Variants in FBXO40 observed in about 807,000 individuals in gnomAD.
FBXO40 encodes F-box only protein 40.
In FBXO40, 50 loss-of-function variants were observed where a neutral mutation model predicts 49.9. The ratio of observed to expected loss-of-function variants is 1.00; its 90% CI spans 0.80 to 1.27. The LOEUF (loss-of-function observed/expected upper bound fraction) is 1.27, where lower values mean the gene tolerates loss of function less well. Among genes scored for constraint, FBXO40 ranks in the 50% most tolerant of loss-of-function variants. The probability of loss-of-function intolerance (pLI) is 0.00; values close to 1 mark genes in which losing one functional copy is unlikely to be tolerated. For synonymous variants in FBXO40, 340 were observed against 320.2 expected, an observed-to-expected ratio of 1.06 and a Z score of -0.66; for missense variants, 895 against 870.1, an observed-to-expected ratio of 1.03 and a Z score of -0.36.
chr3:121,604,033 C>T (rs1297655676), intron 1 of FBXO40, among the ~76,000 whole-genome samples: 6 of 152,180 alleles, frequency 3.9e-5, no homozygotes, highest in Non-Finnish European at 7.3e-5. Context: ...CATGTTTTAT[C>T]AAGCCAGAGG....
At chr3:121,617,617 T>A (rs28827296) in intron 1 of FBXO40, among the ~76,000 whole-genome samples, 31,455 of 151,680 alleles carry the variant, frequency 0.21, 3,755 homozygotes, top group Admixed American at 0.35. Flanking sequence ...CAAAATTTTT[T>A]AAAAAATAAA....
chr3:121,611,936 T>C (rs1416979546), intron 1 of FBXO40, among the ~76,000 whole-genome samples: 1 of 152,220 alleles, frequency 6.6e-6, no homozygotes, highest in Non-Finnish European at 1.5e-5. Flanking sequence ...ACACATGTTT[T>C]TGTGAGCTCC....
At chr3:121,606,784 G>C (rs1198363515) in intron 1 of FBXO40, among the ~76,000 whole-genome samples, 2 of 152,170 alleles carry the variant, frequency 1.3e-5, no homozygotes, top group African/African-American at 4.8e-5. Flanking sequence ...TTTAGCCGGA[G>C]TCCTCTTTAG....
intron 1 of FBXO40, among the ~76,000 whole-genome samples, chr3:121,616,875 C>T (rs115891136): frequency 0.014 from 2,181 of 152,210 alleles, 37 homozygotes; most frequent in African/African-American, 0.049. Flanking sequence ...TTAAAAGGAT[C>T]CTTGTTCAAA....
At position 121,628,143 on chromosome 3, in the gene FBXO40, C is replaced by G. The variant is rs929795893; in HGVS notation, c.*1233C>G. On this transcript the variant is annotated 3_prime_UTR_variant, in exon 4 of 4. Coordinates refer to ENST00000338040, the MANE Select transcript of FBXO40 (RefSeq NM_016298.4). ...AAAGCAGGGCTTCTTAGCCTTGGAA[C>G]TATTGACATTTTTAAATGGATAATT... is the stretch of plus-strand genomic sequence containing the variant. 17 of 387,748 alleles carry G rather than the reference C, an allele frequency of 4.4e-5. No individual in the cohort carries two copies. The Admixed American group carries it at 4.5e-4, about 10-fold the overall frequency. 24.0% of individuals were successfully genotyped at this position (387,748 alleles called of 1,614,324 possible). A position where few individuals can be genotyped will look rare whatever the true frequency, so the allele number is the denominator to read the frequency against.
chr3:121,618,399 T>TG (rs2049010449), intron 1 of FBXO40, among the ~76,000 whole-genome samples: 1 of 148,702 alleles, frequency 6.7e-6, no homozygotes, highest in African/African-American at 2.5e-5. Context: ...TTTTTTTTTT[T>TG]TTTTTGAGAT....
chr3:121,607,126 A>G (rs951716501), intron 1 of FBXO40, among the ~76,000 whole-genome samples: 2 of 151,860 alleles, frequency 1.3e-5, no homozygotes, highest in Non-Finnish European at 2.9e-5. Flanking sequence ...TTAGCTGGGC[A>G]TAGTGGTGCA....
chr3:121,619,792 G>A (rs550469767), intron 1 of FBXO40, among the ~76,000 whole-genome samples: 2 of 152,296 alleles, frequency 1.3e-5, no homozygotes, highest in Non-Finnish European at 1.5e-5. Flanking sequence ...TAGCTCCAGG[G>A]TGGAAACCTG....
intron 1 of FBXO40, among the ~76,000 whole-genome samples, chr3:121,617,284 C>G (rs1560131067): frequency 6.6e-6 from 1 of 152,110 alleles, no homozygotes; most frequent in Non-Finnish European, 1.5e-5. Context: ...TAAATATGCA[C>G]AAATACTATG....
intron 1 of FBXO40, among the ~76,000 whole-genome samples, chr3:121,606,548 C>T (rs2048933040): frequency 6.6e-6 from 1 of 152,068 alleles, no homozygotes; most frequent in Non-Finnish European, 1.5e-5. Context: ...GAGGGAAAGC[C>T]TTTTATATCC....
intron 1 of FBXO40, among the ~76,000 whole-genome samples, chr3:121,603,023 C>A (rs563635580): frequency 6.6e-6 from 1 of 152,216 alleles, no homozygotes; most frequent in Non-Finnish European, 1.5e-5. Context: ...AAGATGCCAG[C>A]AGATTCTGTG....
Position 121,622,860 on chromosome 3 carries a change from C to T in FBXO40, c.1431C>T (p.Phe477=). 1 of 1,614,220 alleles carries T rather than the reference C, an allele frequency of 6.2e-7. No individual in the cohort carries two copies. Among genetic ancestry groups the T allele is most frequent in the Non-Finnish European group, 8.5e-7 (1 of 1,180,046 alleles). The change falls in exon 3 of 4, where the codon TTC becomes TTT. Residue 477 remains phenylalanine (F), a synonymous_variant. Coordinates refer to ENST00000338040, the MANE Select transcript of FBXO40 (RefSeq NM_016298.4). ...RHNKSSSAFT[F]TCNKFFRRDE... ...ACAAAAGCAGCTCTGCCTTCACTTTCACTTGCAACAAATTCTTCAGGAGGG... is the reference window on the plus strand; with the variant it reads ...ACAAAAGCAGCTCTGCCTTCACTTTTACTTGCAACAAATTCTTCAGGAGGG...
chr3:121,598,370 T>C (rs140349592), intron 1 of FBXO40, among the ~76,000 whole-genome samples: 1 of 152,342 alleles, frequency 6.6e-6, no homozygotes, highest in East Asian at 1.9e-4. Context: ...TAACCTAGTT[T>C]TGTAAATTGT....
intron 1 of FBXO40, among the ~76,000 whole-genome samples, chr3:121,594,338 C>T (rs1462958815): frequency 6.6e-6 from 1 of 151,840 alleles, no homozygotes; most frequent in Non-Finnish European, 1.5e-5. Flanking sequence ...GTAGCTGGGA[C>T]TACAGGCCTG....
chr3:121,627,156 C>A lies in FBXO40; in HGVS notation c.*246C>A, dbSNP rs1031128534. ...TTTCTTTTCTTTTCTTTTCTTTTTT[C>A]TTTCTTTCTAAAATAGATTGGTCTG... On this transcript the variant is annotated 3_prime_UTR_variant, in exon 4 of 4. Transcript: ENST00000338040. 41 of 495,340 alleles carry A rather than the reference C, an allele frequency of 8.3e-5. 1 individual carries two copies. The highest frequency in any genetic ancestry group is 5.5e-4 in the Middle Eastern group (1 of 1,824). The allele number at this position is 495,340 out of a possible 1,614,324, so 30.7% of individuals were successfully genotyped here.
intron 1 of FBXO40, among the ~76,000 whole-genome samples, chr3:121,603,058 C>T (rs980879271): frequency 6.6e-6 from 1 of 152,230 alleles, no homozygotes; most frequent in African/African-American, 2.4e-5. Context: ...TCTTGGGTCA[C>T]AGACTGCCAT....
intron 1 of FBXO40, among the ~76,000 whole-genome samples, chr3:121,602,903 C>T (rs533188675): frequency 2.6e-5 from 4 of 152,238 alleles, no homozygotes; most frequent in African/African-American, 4.8e-5. Flanking sequence ...GGATCCTATT[C>T]TGCTCCATCA....
Position 121,621,541 on chromosome 3 carries a change from T to C in FBXO40, c.112T>C (p.Cys38Arg), listed in dbSNP as rs1409547880. The C allele has an allele frequency of 1.2e-6, 2 of 1,614,244 alleles. No individual in the cohort carries two copies. The highest frequency in any genetic ancestry group is 1.1e-5 in the South Asian group (1 of 91,086). The change falls in exon 3 of 4, where the codon TGC (cysteine) becomes CGC (arginine). Residue 38 changes from cysteine to arginine, a missense_variant. Physicochemically the swap from Cys to Arg is radical, Grantham distance 180. Transcript: ENST00000338040. ...CAACACCTCCTGCCTGGTAATAAGC[T>C]GCCACCTGCTCTGTGGTGCCACCTT... is the stretch of plus-strand genomic sequence containing the variant. ...EPNTSCLVIS[C>R]HLLCGATFHM...
At chr3:121,613,108 G>GCTTCCC in intron 1 of FBXO40, among the ~76,000 whole-genome samples, 1 of 151,230 alleles carries the variant, frequency 6.6e-6, no homozygotes, top group Non-Finnish European at 1.5e-5. Context: ...AGCCCATCCA[G>GCTTCCC]TTTAAACCTT....
Sources: gnomAD v4.1 joint callset for allele counts (sites outside exome capture counted in the v4.1 genomes callset) on GRCh38, gnomAD v4.1.1 for gene constraint, MANE v1.5 for transcripts, NCBI Gene and HGNC (gene_info 2026-07-23, HGNC 2026-07-21) for gene names.